The following UGT2A3 variants were observed in gnomAD, a reference collection of about 807,000 sequenced individuals.
UGT2A3 encodes the protein UDP-glucuronosyltransferase 2A3.
A neutral mutation model predicts 44.1 loss-of-function variants in UGT2A3; 55 were observed. The observed-to-expected ratio is 1.25, with a 90% confidence interval of 1.00 to 1.56. UGT2A3 has a LOEUF of 1.56. Ranked by LOEUF, UGT2A3 falls within the 40% of genes most tolerant of loss-of-function variation. UGT2A3 has a pLI of 0.00. For missense variants in UGT2A3, 733 were observed against 621.6 expected (o/e 1.18, Z -1.91); for synonymous variants, 243 against 215.1 (o/e 1.13, Z -1.13).
intron 1 of UGT2A3, 148 bp from the exon 2 acceptor site, chr4:68,945,602 A>AACTTATTTTTTTCTTAATAGCTTAC (rs1718357173): frequency 2.2e-6 from 1 of 461,800 alleles, no homozygotes; most frequent in Non-Finnish European, 3.7e-6. Flanking sequence ...GGGGGAATTA[A>AACTTATTTTTTTCTTAATAGCTTAC]TGAAATAATA....
chr4:68,948,439 C>CTTTTTTTTTTTTTTT (rs60082800), intron 1 of UGT2A3, among the ~76,000 whole-genome samples: 107 of 110,112 alleles, frequency 9.7e-4, no homozygotes, highest in African/African-American at 3.3e-3. Context: ...TCTTTTTTTT[C>CTTTTTTTTTTTTTTT]TTTTTTTTTT....
At chr4:68,944,330 A>G (rs2109791854) in intron 2 of UGT2A3, among the ~76,000 whole-genome samples, 1 of 151,930 alleles carries the variant, frequency 6.6e-6, no homozygotes, top group African/African-American at 2.4e-5. Flanking sequence ...TCAGAATAAA[A>G]AGTATCCCGT....
intron 3 of UGT2A3, among the ~76,000 whole-genome samples, chr4:68,932,086 G>A (rs1419048631): frequency 6.6e-6 from 1 of 151,756 alleles, no homozygotes; most frequent in African/African-American, 2.4e-5. Context: ...AAAATTAGTG[G>A]AGTATCATAA....
intron 2 of UGT2A3, among the ~76,000 whole-genome samples, chr4:68,938,573 A>C (rs1255954984): frequency 6.6e-6 from 1 of 152,156 alleles, no homozygotes; most frequent in Non-Finnish European, 1.5e-5. Context: ...AGAGCTATTT[A>C]TGACAAACCC....
chr4:68,948,658 C>A (rs1208229974), intron 1 of UGT2A3, among the ~76,000 whole-genome samples: 2 of 151,610 alleles, frequency 1.3e-5, no homozygotes, highest in African/African-American at 4.8e-5. Flanking sequence ...TTCTCCATAT[C>A]AGCACTGATA....
chr4:68,932,331 A>T (rs530429262), intron 3 of UGT2A3, among the ~76,000 whole-genome samples: 1 of 151,772 alleles, frequency 6.6e-6, no homozygotes, highest in East Asian at 1.9e-4. Flanking sequence ...AATAGATGTC[A>T]GAATTTTTTT....
chr4:68,949,276 G>A (rs1443982920), intron 1 of UGT2A3, among the ~76,000 whole-genome samples: 1 of 151,774 alleles, frequency 6.6e-6, no homozygotes, highest in Non-Finnish European at 1.5e-5. Flanking sequence ...TGAGAGACCT[G>A]CTACTTTTCT....
Position 68,951,604 on chromosome 4 carries a change from C to A in UGT2A3, c.157G>T (p.Val53Leu), listed in dbSNP as rs1489576725. The change falls in exon 1 of 6, where the codon GTA (valine) becomes TTA (leucine). Residue 53 changes from valine to leucine, a missense_variant. Val to Leu is a conservative substitution (Grantham distance 32, BLOSUM62 1). Transcript: ENST00000251566. ...GGCTTTGAGTGAGTCAATACTGTTA[C>A]CTCATGGCCTCTCACTATGAGCTCT... ...LEELIVRGHE[V>L]TVLTHSKPSL... 4 of 1,612,720 alleles carry A rather than the reference C, an allele frequency of 2.5e-6. No homozygotes were observed. The highest frequency in any genetic ancestry group is 3.4e-6 in the Non-Finnish European group (4 of 1,179,396).
At chr4:68,942,585 GA>G (rs914913290) in intron 2 of UGT2A3, among the ~76,000 whole-genome samples, 1 of 141,576 alleles carries the variant, frequency 7.1e-6, no homozygotes, top group Admixed American at 7.5e-5. Context: ...ATATATATTG[GA>G]AAAAAAAGAA....
chr4:68,932,828 A>C (rs1304538926), intron 2 of UGT2A3, 69 bp from the exon 3 acceptor site: 1 of 1,449,850 alleles, frequency 6.9e-7, no homozygotes, highest in Non-Finnish European at 9.4e-7. Flanking sequence ...GGTTACTTAC[A>C]CTTCTAAAAT....
chr4:68,940,051 G>C, intron 2 of UGT2A3, among the ~76,000 whole-genome samples: 1 of 152,128 alleles, frequency 6.6e-6, no homozygotes, highest in East Asian at 1.9e-4. Flanking sequence ...GGAAACAACA[G>C]ATACTGGAGA....
chr4:68,941,549 G>A (rs1718186702), intron 2 of UGT2A3, among the ~76,000 whole-genome samples: 1 of 151,912 alleles, frequency 6.6e-6, no homozygotes, highest in Non-Finnish European at 1.5e-5. Flanking sequence ...AGAAACTGTA[G>A]GAGGAATGAT....
intron 2 of UGT2A3, among the ~76,000 whole-genome samples, chr4:68,938,710 A>G (rs914427193): frequency 2.0e-5 from 3 of 152,144 alleles, no homozygotes; most frequent in Admixed American, 2.0e-4. Context: ...CAGGGCAATC[A>G]GGCAAGAGAA....
chr4:68,935,747 G>A (rs1717927843), intron 2 of UGT2A3, among the ~76,000 whole-genome samples: 1 of 151,912 alleles, frequency 6.6e-6, no homozygotes. Context: ...CAGAAAGTCT[G>A]TAATAACAAA....
In UGT2A3 at chr4:68,930,778, T is replaced by C. The variant is rs924951423; in HGVS notation, c.1085-13A>G. 11 of 1,555,796 alleles carry C rather than the reference T, an allele frequency of 7.1e-6. No homozygotes were observed. The African/African-American group carries it at 1.4e-4, about 20-fold the overall frequency. Reference sequence around the variant, plus strand: ...GTTTTGGGATGACCTAGTATGTAAATTGGATGAGAAATGGTGAGATATTTT... The same window carrying C: ...GTTTTGGGATGACCTAGTATGTAAACTGGATGAGAAATGGTGAGATATTTT... On this transcript the variant is annotated splice_polypyrimidine_tract_variant and intron_variant, in intron 4 of 5. Coordinates refer to ENST00000251566, the MANE Select transcript of UGT2A3 (RefSeq NM_024743.4).
intron 1 of UGT2A3, among the ~76,000 whole-genome samples, chr4:68,948,439 C>CTTTTTTTTT: frequency 1.6e-3 from 178 of 110,032 alleles, no homozygotes; most frequent in East Asian, 4.1e-3. Context: ...TCTTTTTTTT[C>CTTTTTTTTT]TTTTTTTTTT....
At chr4:68,940,699 T>C (rs1003482448) in intron 2 of UGT2A3, among the ~76,000 whole-genome samples, 2 of 148,288 alleles carry the variant, frequency 1.3e-5, no homozygotes, top group East Asian at 2.0e-4. Flanking sequence ...GTATTTTATA[T>C]ATATATAAAA....
At chr4:68,943,644 A>G (rs1240422626) in intron 2 of UGT2A3, among the ~76,000 whole-genome samples, 2 of 151,602 alleles carry the variant, frequency 1.3e-5, no homozygotes, top group African/African-American at 4.8e-5. Flanking sequence ...TATAAGTTGA[A>G]TTTTCCATAC....
intron 2 of UGT2A3, among the ~76,000 whole-genome samples, chr4:68,944,794 T>G (rs1262005730): frequency 6.6e-6 from 1 of 151,792 alleles, no homozygotes; most frequent in Admixed American, 6.6e-5. Context: ...AGCACTTATT[T>G]GAGTAAAAGT....
Sources: gnomAD v4.1 joint callset for allele counts (sites outside exome capture counted in the v4.1 genomes callset) on GRCh38, gnomAD v4.1.1 for gene constraint, MANE v1.5 for transcripts, NCBI Gene and HGNC (gene_info 2026-07-23, HGNC 2026-07-21) for gene names.